The following ATF6 variants were observed in gnomAD, a reference collection of about 807,000 sequenced individuals.
ATF6 encodes cyclic AMP-dependent transcription factor ATF-6 alpha.
Under a neutral mutation model 83.6 loss-of-function variants are expected in ATF6, and 53 were observed. The observed-to-expected ratio is 0.63, with a 90% CI of 0.51 to 0.80. The LOEUF (loss-of-function observed/expected upper bound fraction) is 0.80. ATF6 is among the 30% of genes least tolerant of loss of function. The pLI is 0.00. For missense variants in ATF6, 744 were observed against 797.9 expected (o/e 0.93, Z 0.81); for synonymous variants, 288 against 285.8 (o/e 1.01, Z -0.08).
chr1:161,920,288 C>CTTTTT, intron 15 of ATF6, among the ~76,000 whole-genome samples: 2 of 33,640 alleles, frequency 5.9e-5, no homozygotes, highest in African/African-American at 2.6e-4. Context: ...TTCTCTCTCT[C>CTTTTT]TCTCTCTTTT....
intron 9 of ATF6, among the ~76,000 whole-genome samples, chr1:161,821,796 G>A (rs1472133158): frequency 6.6e-6 from 1 of 152,150 alleles, no homozygotes; most frequent in Non-Finnish European, 1.5e-5. Flanking sequence ...GTTGTATTGA[G>A]TATAGACTGC....
At chr1:161,812,671 C>G (rs548495433) in intron 7 of ATF6, among the ~76,000 whole-genome samples, 130 of 151,984 alleles carry the variant, frequency 8.6e-4, no homozygotes, top group African/African-American at 3.0e-3. Context: ...GGATCACAGG[C>G]GTGAGCCACC....
intron 15 of ATF6, among the ~76,000 whole-genome samples, chr1:161,954,609 G>T (rs1426346018): frequency 6.6e-6 from 1 of 152,100 alleles, no homozygotes; most frequent in Non-Finnish European, 1.5e-5. Flanking sequence ...CAGTCTCTTG[G>T]CAGGCCATGC....
At chr1:161,841,452 A>G (rs560114443) in intron 9 of ATF6, among the ~76,000 whole-genome samples, 1 of 152,326 alleles carries the variant, frequency 6.6e-6, no homozygotes, top group Non-Finnish European at 1.5e-5. Context: ...AACTACAGGG[A>G]ATGTAGGCCA....
chr1:161,836,329 C>T (rs1277133604), intron 9 of ATF6, among the ~76,000 whole-genome samples: 2 of 152,110 alleles, frequency 1.3e-5, no homozygotes, highest in South Asian at 2.1e-4. Flanking sequence ...TAAAAGTTAC[C>T]GTGTAACTTA....
intron 9 of ATF6, among the ~76,000 whole-genome samples, chr1:161,841,060 T>G (rs1686345230): frequency 6.6e-6 from 1 of 152,150 alleles, no homozygotes; most frequent in Admixed American, 6.6e-5. Flanking sequence ...GAAATCTAAT[T>G]TTTCTAAAAT....
chr1:161,822,712 GA>G (rs1685797061), intron 9 of ATF6, among the ~76,000 whole-genome samples: 1 of 152,114 alleles, frequency 6.6e-6, no homozygotes, highest in East Asian at 1.9e-4. Flanking sequence ...TGCCATGAAG[GA>G]AAGGTACATG....
chr1:161,877,677 C>T (rs1687243787), intron 14 of ATF6, among the ~76,000 whole-genome samples: 1 of 152,046 alleles, frequency 6.6e-6, no homozygotes, highest in African/African-American at 2.4e-5. Context: ...TGATTTAGTT[C>T]GTAGAAGATG....
chr1:161,819,153 A>T (rs186138363), intron 7 of ATF6, among the ~76,000 whole-genome samples: 1 of 152,350 alleles, frequency 6.6e-6, no homozygotes, highest in Admixed American at 6.5e-5. Context: ...GTTACTATTG[A>T]TAGAAAATGG....
intron 7 of ATF6, among the ~76,000 whole-genome samples, chr1:161,815,184 ATTT>A (rs34687938): frequency 8.8e-4 from 85 of 96,406 alleles, no homozygotes; most frequent in African/African-American, 2.9e-3. Flanking sequence ...TCCCATTTTA[ATTT>A]TTTTTTTTTT....
intron 4 of ATF6, among the ~76,000 whole-genome samples, 191 bp from the exon 5 acceptor site, chr1:161,791,217 T>C (rs1684872856): frequency 6.6e-6 from 1 of 152,106 alleles, no homozygotes; most frequent in South Asian, 2.1e-4. Flanking sequence ...TTTTGAGTTA[T>C]TTTTCCTTTG....
chr1:161,771,357 C>G (rs1484163929), intron 1 of ATF6, among the ~76,000 whole-genome samples: 1 of 152,144 alleles, frequency 6.6e-6, no homozygotes, highest in South Asian at 2.1e-4. Flanking sequence ...GTTCTCTTGG[C>G]TTTCTAGCAC....
intron 9 of ATF6, among the ~76,000 whole-genome samples, chr1:161,832,949 G>A (rs1223753563): frequency 6.6e-6 from 1 of 152,208 alleles, no homozygotes; most frequent in Non-Finnish European, 1.5e-5. Flanking sequence ...GAACGGGCAG[G>A]CTGCCTCCTC....
intron 15 of ATF6, among the ~76,000 whole-genome samples, chr1:161,920,432 C>A (rs1353606781): frequency 6.6e-6 from 1 of 151,276 alleles, no homozygotes; most frequent in African/African-American, 2.4e-5. Context: ...GTAGCTGGGA[C>A]TACAGGTGCC....
intron 14 of ATF6, among the ~76,000 whole-genome samples, chr1:161,888,135 A>G (rs1308366062): frequency 2.0e-5 from 3 of 152,242 alleles, no homozygotes; most frequent in African/African-American, 7.2e-5. Context: ...GAACAGCTGA[A>G]TCCCCTAAAG....
At chr1:161,826,931 A>T (rs1165810136) in intron 9 of ATF6, among the ~76,000 whole-genome samples, 26 of 129,582 alleles carry the variant, frequency 2.0e-4, no homozygotes, top group African/African-American at 2.3e-4. Flanking sequence ...GATTGGCCCC[A>T]TTTTTTTTTT....
At chr1:161,850,412 C>T (rs888283242) in intron 10 of ATF6, among the ~76,000 whole-genome samples, 1 of 151,466 alleles carries the variant, frequency 6.6e-6, no homozygotes, top group Admixed American at 6.6e-5. Context: ...GAGGCGGCGT[C>T]TTCTCATCAT....
chr1:161,920,734 A>G (rs747538964), intron 15 of ATF6, among the ~76,000 whole-genome samples: 14 of 152,202 alleles, frequency 9.2e-5, no homozygotes, highest in South Asian at 2.1e-4. Flanking sequence ...CCTTTCCCAG[A>G]TGATCACAAA....
chr1:161,881,293 A>G (rs1441734659), intron 14 of ATF6, among the ~76,000 whole-genome samples: 1 of 152,060 alleles, frequency 6.6e-6, no homozygotes, highest in East Asian at 1.9e-4. Flanking sequence ...GTTGCATCTC[A>G]AGGTTTTACT....
Sources: allele counts gnomAD v4.1 joint callset (sites outside exome capture counted in the v4.1 genomes callset), GRCh38; gene constraint gnomAD v4.1.1; transcripts MANE v1.5; gene names NCBI Gene and HGNC (gene_info 2026-07-23, HGNC 2026-07-21).